Variants in DOCK5 observed in about 807,000 individuals in gnomAD.
DOCK5 encodes the protein dedicator of cytokinesis 5.
A neutral mutation model predicts 251.8 loss-of-function variants in DOCK5; 142 were observed. The observed-to-expected ratio is 0.56, with a 90% CI of 0.49 to 0.65. The LOEUF is 0.65. DOCK5 is among the 30% of genes least tolerant of loss of function. The pLI is 0.00. For missense variants in DOCK5, 2,111 were observed against 2,312.3 expected (o/e 0.91, Z 1.79); for synonymous variants, 842 against 835.5 (o/e 1.01, Z -0.13).
chr8:25,304,463 G>A (rs1389377377), intron 11 of DOCK5, 136 bp downstream of exon 11: 4 of 719,074 alleles, frequency 5.6e-6, no homozygotes, highest in Non-Finnish European at 6.6e-6. Context: ...TGTCAGATAG[G>A]AGCTGAACAG....
At chr8:25,308,749 C>G in intron 11 of DOCK5, 34 bp from the exon 12 acceptor site, 1 of 1,609,994 alleles carries the variant, frequency 6.2e-7, no homozygotes. Context: ...CCTTTCTCCC[C>G]CTCCCACCTT....
At chr8:25,188,443 A>G (rs1801486290) in intron 1 of DOCK5, among the ~76,000 whole-genome samples, 1 of 152,202 alleles carries the variant, frequency 6.6e-6, no homozygotes, top group Admixed American at 6.5e-5. Flanking sequence ...TTGTGCTCTA[A>G]GAGGAGTGTG....
rs1200242402 is a variant in DOCK5 at position 25,412,414 on chromosome 8, G to T, written c.*1116G>T. On this transcript the variant is annotated 3_prime_UTR_variant, in exon 52 of 52. Transcript: ENST00000276440. ...AGACGTTTGGACTTGAAGCCTCAAA[G>T]ATCAACCAACCAGTCCCCTTATTTA... The T allele has an allele frequency of 6.6e-6, 1 of 152,106 alleles. No homozygotes were observed. The highest frequency in any genetic ancestry group is 6.5e-5 in the Admixed American group (1 of 15,272). The allele number at this position is 152,106 out of a possible 1,614,324, so 9.4% of individuals were successfully genotyped here.
At chr8:25,224,266 G>A (rs1437128107) in intron 1 of DOCK5, among the ~76,000 whole-genome samples, 1 of 152,078 alleles carries the variant, frequency 6.6e-6, no homozygotes, top group Non-Finnish European at 1.5e-5. Context: ...CTACAGCCGG[G>A]CACCACCACA....
chr8:25,300,617 A>G lies in DOCK5; in HGVS notation c.806A>G (p.Lys269Arg). 3 of 1,613,498 alleles carry G rather than the reference A, an allele frequency of 1.9e-6. No individual in the cohort carries two copies. Among genetic ancestry groups the G allele is most frequent in the Non-Finnish European group, 2.5e-6 (3 of 1,179,706 alleles). ...CGTTGGGGCAGTAACGGGATGCCCA[A>G]GGAAATAGAGAAGCTCAATAACCTC... is the stretch of plus-strand genomic sequence containing the variant. ...LIRWGSNGMPKEIEKLNNLQA... is the reference protein window; with the variant it reads ...LIRWGSNGMPREIEKLNNLQA... Residue 269 changes from lysine (K) to arginine (R), a missense_variant, in exon 9 of 52, where the codon AAG (lysine) becomes AGG (arginine). By Grantham distance (26) the Lys-to-Arg change is conservative. This residue lies in a region of DOCK5 where 59 missense variants were observed against 95.0 expected (regional missense o/e 0.62). Coordinates refer to ENST00000276440, the MANE Select transcript of DOCK5 (RefSeq NM_024940.8).
rs181923439 is a variant in DOCK5, at chr8:25,259,896, G to T, written c.128-8949G>T. On this transcript the variant is annotated intron_variant, in intron 2 of 51. Transcript: ENST00000276440. ...ATTTGTCTCACCAAGAAGTACAAAA[G>T]AATAGAATCATCTTTTACCATCTTT... Among the ~76,000 whole-genome samples the T allele has an allele frequency of 7.2e-5, 11 of 152,336 alleles. 1 individual carries two copies. The highest frequency in any genetic ancestry group is 3.9e-4 in the East Asian group (2 of 5,180).
chr8:25,311,717 T>C (rs1428523562), intron 13 of DOCK5, among the ~76,000 whole-genome samples: 3 of 151,702 alleles, frequency 2.0e-5, no homozygotes, highest in South Asian at 4.2e-4. Flanking sequence ...AGGTCAGGAC[T>C]TCGAGTCCAG....
intron 6 of DOCK5, among the ~76,000 whole-genome samples, chr8:25,294,227 C>T (rs974265050): frequency 6.6e-6 from 1 of 152,182 alleles, no homozygotes; most frequent in Non-Finnish European, 1.5e-5. Context: ...CAGTGCCTTC[C>T]TGATCCAGTC....
Position 25,324,019 on chromosome 8 carries a change from A to G in DOCK5, c.1719+68A>G. On this transcript the variant is annotated intron_variant, in intron 17 of 51. Transcript: ENST00000276440. ...AATGAGCATTTAAGACTCCTTTCATATTTATTTGTACAAACATCAGAAACC... is the reference window on the plus strand; with the variant it reads ...AATGAGCATTTAAGACTCCTTTCATGTTTATTTGTACAAACATCAGAAACC... 3.5e-6 allele frequency: 5 copies of G among 1,442,036 alleles called. No individual in the cohort carries two copies. In the South Asian group the frequency reaches 5.6e-5, roughly 16 times the overall value. The allele number at this position is 1,442,036 out of a possible 1,614,324, so 89.3% of individuals were successfully genotyped here.
At chr8:25,205,749 G>A (rs181292213) in intron 1 of DOCK5, among the ~76,000 whole-genome samples, 107 of 152,294 alleles carry the variant, frequency 7.0e-4, no homozygotes, top group Non-Finnish European at 1.3e-3. Context: ...GGGAAGGGGA[G>A]AGAGACATGG....
chr8:25,326,367 A>G (rs528591699), intron 18 of DOCK5, among the ~76,000 whole-genome samples: 31 of 152,316 alleles, frequency 2.0e-4, no homozygotes, highest in African/African-American at 7.0e-4. Context: ...GGGTAAACCC[A>G]GGGATCAGAT....
At chr8:25,381,978 G>C (rs1801075741) in intron 39 of DOCK5, among the ~76,000 whole-genome samples, 1 of 152,124 alleles carries the variant, frequency 6.6e-6, no homozygotes, top group African/African-American at 2.4e-5. Context: ...CCACCTGCAT[G>C]AACTACACAG....
chr8:25,357,750 C>G (rs1041075720), intron 27 of DOCK5, among the ~76,000 whole-genome samples: 1 of 152,088 alleles, frequency 6.6e-6, no homozygotes, highest in African/African-American at 2.4e-5. Context: ...CATGGACAGT[C>G]TTTCATTGTT....
intron 1 of DOCK5, among the ~76,000 whole-genome samples, chr8:25,214,027 C>T (rs1802167750): frequency 6.6e-6 from 1 of 152,114 alleles, no homozygotes; most frequent in African/African-American, 2.4e-5. Flanking sequence ...TCATATACAC[C>T]TTATGCACGT....
chr8:25,319,933 C>T (rs1805379198), intron 15 of DOCK5, among the ~76,000 whole-genome samples: 1 of 152,162 alleles, frequency 6.6e-6, no homozygotes, highest in South Asian at 2.1e-4. Flanking sequence ...CAAGATGGTA[C>T]AAAACCAAAC....
intron 1 of DOCK5, among the ~76,000 whole-genome samples, chr8:25,236,125 A>C (rs961274274): frequency 2.0e-5 from 3 of 152,174 alleles, no homozygotes; most frequent in Non-Finnish European, 4.4e-5. Flanking sequence ...ATAGTAATCA[A>C]TGCATTGATT....
rs1021809100 is a variant in DOCK5 at position 25,415,178 on chromosome 8, A to T, written c.*3880A>T. On this transcript the variant is annotated 3_prime_UTR_variant, in exon 52 of 52. Transcript: ENST00000276440. ...GTCAGTAATAATCCAGCACACATTG[A>T]AATATTGACACAGATTACCATAATT... 3.9e-5 allele frequency: 6 copies of T among 152,138 alleles called. No homozygotes were observed. Among genetic ancestry groups the T allele is most frequent in the Non-Finnish European group, 1.5e-5 (1 of 68,026 alleles). 9.4% of individuals were successfully genotyped at this position (152,138 alleles called of 1,614,324 possible).
At position 25,389,250 on chromosome 8, in the gene DOCK5, A is replaced by C; in HGVS notation, c.4273+18A>C. On this transcript the variant is annotated intron_variant, in intron 41 of 51. Transcript: ENST00000276440. ...CAAGCAGTGTATCCTTTCCGGGGGG[A>C]GTATGGCCCCGAGGCTCTTATGGCT... is the stretch of plus-strand genomic sequence containing the variant. 1 of 1,609,902 alleles carries C rather than the reference A, an allele frequency of 6.2e-7. No homozygotes were observed. Among genetic ancestry groups the C allele is most frequent in the South Asian group, 1.1e-5 (1 of 90,988 alleles).
chr8:25,380,696 T>A (rs1427852778), intron 39 of DOCK5, among the ~76,000 whole-genome samples: 1 of 152,240 alleles, frequency 6.6e-6, no homozygotes, highest in Non-Finnish European at 1.5e-5. Flanking sequence ...TCAGGATCTC[T>A]GTCTGCAGCT....
Sources: gnomAD v4.1 joint callset for allele counts (sites outside exome capture counted in the v4.1 genomes callset) on GRCh38, gnomAD v4.1.1 for gene constraint, gnomAD v4.1.1 regional missense constraint, MANE v1.5 for transcripts, NCBI Gene and HGNC (gene_info 2026-07-23, HGNC 2026-07-21) for gene names.